The following GPC5 variants were observed in gnomAD, a reference collection of about 807,000 sequenced individuals.
GPC5 encodes glypican-5.
GPC5 carries 47 observed loss-of-function variants against 53.9 expected under a neutral mutation model. The ratio of observed to expected loss-of-function variants is 0.87; its 90% CI spans 0.69 to 1.11. The LOEUF is 1.11. Ranked by LOEUF, GPC5 falls within the 50% of genes most tolerant of loss-of-function variation. The pLI is 0.00. For missense variants in GPC5, 748 were observed against 713.1 expected, an observed-to-expected ratio of 1.05 and a Z score of -0.56; for synonymous variants, 286 against 263.3, an observed-to-expected ratio of 1.09 and a Z score of -0.84.
intron 2 of GPC5, among the ~76,000 whole-genome samples, chr13:91,465,361 T>A (rs1882170959): frequency 6.6e-6 from 1 of 152,146 alleles, no homozygotes; most frequent in Non-Finnish European, 1.5e-5. Context: ...TTACCCTAGA[T>A]CTTTGTCTCT....
At chr13:92,653,088 T>C (rs927606387) in intron 7 of GPC5, among the ~76,000 whole-genome samples, 2 of 152,042 alleles carry the variant, frequency 1.3e-5, no homozygotes, top group Admixed American at 6.6e-5. Flanking sequence ...TGGAAAAATA[T>C]GGGAGGGAAG....
rs61975866 is a variant in GPC5 at position 92,606,251 on chromosome 13, C to T, written c.1562-260031C>T. Among the ~76,000 whole-genome samples the T allele has an allele frequency of 8.1e-3, 1,231 of 152,122 alleles. 12 individuals carry two copies. Among genetic ancestry groups the T allele is most frequent in the Non-Finnish European group, 0.012 (836 of 68,000 alleles). ...ACCCCTTTCCCTTCCCCCAACTCCA[C>T]GACAGGCCCCGGTGTGTGATGTTCC... On this transcript the variant is annotated intron_variant, in intron 7 of 7. Transcript: ENST00000377067.
intron 2 of GPC5, among the ~76,000 whole-genome samples, chr13:91,504,087 A>G (rs659614): frequency 0.56 from 84,742 of 151,686 alleles, 26,600 homozygotes; most frequent in East Asian, 0.71. Context: ...GTTCTTCTCA[A>G]TATGTTCAAA....
chr13:92,294,343 T>C (rs2043018782), intron 7 of GPC5, among the ~76,000 whole-genome samples: 1 of 152,072 alleles, frequency 6.6e-6, no homozygotes, highest in Non-Finnish European at 1.5e-5. Context: ...GTTGTTGTTG[T>C]TGATAATTTT....
chr13:91,937,511 T>C (rs940229926), intron 6 of GPC5, among the ~76,000 whole-genome samples: 1 of 152,086 alleles, frequency 6.6e-6, no homozygotes, highest in Non-Finnish European at 1.5e-5. Flanking sequence ...TTATATGGGT[T>C]TGAAGAACTG....
chr13:91,445,942 TCTC>T (rs1158325046), intron 1 of GPC5, among the ~76,000 whole-genome samples: 1 of 152,186 alleles, frequency 6.6e-6, no homozygotes, highest in East Asian at 1.9e-4. Flanking sequence ...ATTTTGGGGT[TCTC>T]CTGATCTCAG....
At chr13:92,282,762 C>A (rs548674419) in intron 7 of GPC5, among the ~76,000 whole-genome samples, 1 of 152,218 alleles carries the variant, frequency 6.6e-6, no homozygotes, top group African/African-American at 2.4e-5. Flanking sequence ...TGGAAAGGAA[C>A]AAAAGATACC....
intron 7 of GPC5, among the ~76,000 whole-genome samples, chr13:92,559,328 ATATGTG>A (rs1882611189): frequency 9.7e-6 from 1 of 103,120 alleles, no homozygotes; most frequent in African/African-American, 4.2e-5. Flanking sequence ...TGTAGTGTGT[ATATGTG>A]TGTGTGTGTG....
intron 2 of GPC5, among the ~76,000 whole-genome samples, chr13:91,617,478 G>C (rs1468100518): frequency 6.6e-6 from 1 of 152,132 alleles, no homozygotes; most frequent in Non-Finnish European, 1.5e-5. Flanking sequence ...AGTGGAATCT[G>C]TAACTGTTGG....
At chr13:92,483,964 T>G (rs1000941632) in intron 7 of GPC5, among the ~76,000 whole-genome samples, 3 of 152,030 alleles carry the variant, frequency 2.0e-5, no homozygotes, top group African/African-American at 7.2e-5. Context: ...AGCAAAACCT[T>G]GTCTCTACAA....
chr13:91,406,848 C>A (rs1446714602), intron 1 of GPC5, among the ~76,000 whole-genome samples: 2 of 152,224 alleles, frequency 1.3e-5, no homozygotes, highest in African/African-American at 2.4e-5. Context: ...TTTTGTACTA[C>A]CGCCCTCTTG....
chr13:92,360,655 T>G (rs923296322), intron 7 of GPC5, among the ~76,000 whole-genome samples: 8 of 151,468 alleles, frequency 5.3e-5, no homozygotes, highest in African/African-American at 2.0e-4. Context: ...AAGAAAAAAA[T>G]GGCATCCAAG....
intron 7 of GPC5, among the ~76,000 whole-genome samples, chr13:92,295,462 C>T (rs565771321): frequency 6.6e-6 from 1 of 152,086 alleles, no homozygotes; most frequent in East Asian, 1.9e-4. Context: ...AAGAAAGTGC[C>T]ATGTGGTCCA....
At chr13:91,669,408 A>G (rs1455966803) in intron 2 of GPC5, among the ~76,000 whole-genome samples, 3 of 152,212 alleles carry the variant, frequency 2.0e-5, no homozygotes, top group Non-Finnish European at 2.9e-5. Flanking sequence ...AGAATAGTAC[A>G]TTGCTAAGGG....
chr13:92,294,127 C>A (rs1349056876), intron 7 of GPC5, among the ~76,000 whole-genome samples: 1 of 152,122 alleles, frequency 6.6e-6, no homozygotes, highest in Non-Finnish European at 1.5e-5. Context: ...CATCTGTGTT[C>A]ATCAGGGATA....
At chr13:91,886,844 G>A (rs552393618) in intron 5 of GPC5, among the ~76,000 whole-genome samples, 4 of 152,294 alleles carry the variant, frequency 2.6e-5, no homozygotes, top group African/African-American at 7.2e-5. Context: ...GGTTTGCAGG[G>A]TACAGCCTCC....
intron 7 of GPC5, among the ~76,000 whole-genome samples, chr13:92,602,218 TAA>T (rs1566313987): frequency 1.5e-4 from 2 of 13,632 alleles, no homozygotes; most frequent in Non-Finnish European, 4.1e-4. Flanking sequence ...TACATATATA[TAA>T]ATATATATAT....
chr13:91,741,549 G>T (rs866586289), intron 4 of GPC5, among the ~76,000 whole-genome samples: 3 of 152,210 alleles, frequency 2.0e-5, no homozygotes, highest in Middle Eastern at 3.4e-3. Flanking sequence ...AACACTTAAT[G>T]TTATTTAAGA....
chr13:92,365,591 G>A (rs2043601291), intron 7 of GPC5, among the ~76,000 whole-genome samples: 1 of 151,328 alleles, frequency 6.6e-6, no homozygotes, highest in African/African-American at 2.4e-5. Context: ...ACATTGCATA[G>A]CTGTATAAAA....
Sources: allele counts gnomAD v4.1 joint callset (sites outside exome capture counted in the v4.1 genomes callset), GRCh38; gene constraint gnomAD v4.1.1; transcripts MANE v1.5; gene names NCBI Gene and HGNC (gene_info 2026-07-23, HGNC 2026-07-21).